The following GRIA3 variants were observed in gnomAD, a reference collection of about 807,000 sequenced individuals.
GRIA3 encodes the protein glutamate receptor 3.
A neutral mutation model predicts 63.0 loss-of-function variants in GRIA3; 3 were observed. The ratio of observed to expected loss-of-function variants is 0.05; its 90% CI spans 0.02 to 0.12. The LOEUF (loss-of-function observed/expected upper bound fraction) is 0.12. Among genes scored for constraint, GRIA3 ranks in the 10% least tolerant of loss-of-function variants. The pLI is 1.00. For missense variants in GRIA3, 347 were observed against 700.9 expected (o/e 0.50, Z 5.70); for synonymous variants, 274 against 257.9 (o/e 1.06, Z -0.60).
At chrX:123,294,380 C>T (rs1314503706) in intron 3 of GRIA3, among the ~76,000 whole-genome samples, 1 of 111,339 alleles carries the variant, frequency 9.0e-6, no homozygotes, top group Non-Finnish European at 1.9e-5. Context: ...ATAATGGAAA[C>T]TGAAGGCCAC....
intron 3 of GRIA3, among the ~76,000 whole-genome samples, chrX:123,254,035 A>G (rs6648498): frequency 0.2 from 22,126 of 111,516 alleles, 1,707 homozygotes; most frequent in Non-Finnish European, 0.25. Context: ...GACTCATTCC[A>G]TCAGATCACA....
intron 3 of GRIA3, among the ~76,000 whole-genome samples, chrX:123,257,366 GAGAA>G (rs1476407174): frequency 1.8e-5 from 2 of 108,123 alleles, no homozygotes; most frequent in East Asian, 2.9e-4. Flanking sequence ...GAAAGAAAGA[GAGAA>G]AGAAAGAAAG....
At chrX:123,266,165 T>C (rs1400581603) in intron 3 of GRIA3, among the ~76,000 whole-genome samples, 1 of 111,985 alleles carries the variant, frequency 8.9e-6, no homozygotes, top group Non-Finnish European at 1.9e-5. Flanking sequence ...CAGTTTTGCT[T>C]CTTGAATATT....
intron 13 of GRIA3, among the ~76,000 whole-genome samples, chrX:123,467,459 T>C (rs966696139): frequency 5.0e-4 from 56 of 112,688 alleles, no homozygotes; most frequent in Non-Finnish European, 1.5e-4. Context: ...CTGATGACAC[T>C]GACAATTTAG....
intron 14 of GRIA3, among the ~76,000 whole-genome samples, chrX:123,482,358 G>A (rs936321787): frequency 5.4e-5 from 6 of 111,928 alleles, no homozygotes; most frequent in South Asian, 3.8e-4. Context: ...GGGGTGTTGC[G>A]GGGCAGAGAG....
At chrX:123,206,604 C>T (rs755073737) in intron 2 of GRIA3, among the ~76,000 whole-genome samples, 2 of 105,934 alleles carry the variant, frequency 1.9e-5, no homozygotes, top group South Asian at 4.1e-4. Context: ...ATACAGGCTA[C>T]CCATATTGTG....
intron 5 of GRIA3, among the ~76,000 whole-genome samples, chrX:123,379,586 T>C (rs1043601740): frequency 9.2e-6 from 1 of 109,130 alleles, no homozygotes; most frequent in African/African-American, 3.3e-5. Context: ...TTTTGCCAAC[T>C]ATGGTTGTAC....
intron 3 of GRIA3, among the ~76,000 whole-genome samples, chrX:123,271,471 C>T (rs1375612072): frequency 1.8e-5 from 2 of 111,632 alleles, no homozygotes; most frequent in East Asian, 2.8e-4. Context: ...GAGCAGTGAA[C>T]GCGGGACTAA....
At chrX:123,354,283 T>C (rs1377379629) in intron 4 of GRIA3, among the ~76,000 whole-genome samples, 2 of 111,426 alleles carry the variant, frequency 1.8e-5, no homozygotes, top group Non-Finnish European at 3.8e-5. Context: ...ATCAAAAATG[T>C]CACCAGGCAT....
At chrX:123,464,423 G>T (rs2045823985) in intron 12 of GRIA3, among the ~76,000 whole-genome samples, 1 of 111,840 alleles carries the variant, frequency 8.9e-6, no homozygotes, top group South Asian at 3.8e-4. Context: ...GCTGGACTGG[G>T]CTGACTAAAA....
At chrX:123,217,538 A>C (rs1483838022) in intron 2 of GRIA3, among the ~76,000 whole-genome samples, 3 of 110,680 alleles carry the variant, frequency 2.7e-5, no homozygotes, top group Non-Finnish European at 3.8e-5. Flanking sequence ...CAACAAACTC[A>C]CCTTTCTCAG....
At chrX:123,363,359 C>T (rs1387523830) in intron 5 of GRIA3, among the ~76,000 whole-genome samples, 1 of 112,594 alleles carries the variant, frequency 8.9e-6, no homozygotes, top group Admixed American at 9.4e-5. Context: ...TGAAGGAAAA[C>T]TCCACATCAT....
At chrX:123,453,841 A>G (rs1456490206) in intron 12 of GRIA3, among the ~76,000 whole-genome samples, 1 of 111,805 alleles carries the variant, frequency 8.9e-6, no homozygotes, top group African/African-American at 3.3e-5. Context: ...GGCAAATGAA[A>G]GAGAGGTGGT....
chrX:123,459,388 C>T (rs966193162), intron 12 of GRIA3, among the ~76,000 whole-genome samples: 1 of 111,976 alleles, frequency 8.9e-6, no homozygotes, highest in Non-Finnish European at 1.9e-5. Context: ...ACCAGACTCA[C>T]AGGGCCCAAG....
chrX:123,302,787 A>T lies in GRIA3; in HGVS notation c.509-23239A>T, dbSNP rs1464234957. Reference sequence around the variant, plus strand: ...AAACCTTTCCCTATAAGCCAGAAAGATCCATTGAGGAGTTTTAATATCTTG... The same window carrying T: ...AAACCTTTCCCTATAAGCCAGAAAGTTCCATTGAGGAGTTTTAATATCTTG... On this transcript the variant is annotated intron_variant, in intron 3 of 15. Coordinates refer to ENST00000620443, the MANE Select transcript of GRIA3 (RefSeq NM_007325.5). Among the ~76,000 whole-genome samples the T allele has an allele frequency of 2.7e-5, 3 of 111,310 alleles. No homozygotes were observed. In the Admixed American group the frequency reaches 2.9e-4, roughly 11 times the overall value.
chrX:123,467,910 T>G lies in GRIA3; in HGVS notation c.2324+2798T>G, dbSNP rs541893318. On this transcript the variant is annotated intron_variant, in intron 13 of 15. Transcript: ENST00000620443. ...TCAGCTAGTACTGCTGCAAAGTTTT[T>G]TATCAAGTAACTTTATTGACAGCTC... is the stretch of plus-strand genomic sequence containing the variant. Among the ~76,000 whole-genome samples, 21 of 112,317 alleles carry G rather than the reference T, an allele frequency of 1.9e-4. No homozygotes were observed. The South Asian group carries it at 7.7e-3, about 41-fold the overall frequency.
chrX:123,258,816 C>T (rs2044433700), intron 3 of GRIA3, among the ~76,000 whole-genome samples: 1 of 112,385 alleles, frequency 8.9e-6, no homozygotes, highest in Non-Finnish European at 1.9e-5. Flanking sequence ...CCAAGTAACT[C>T]TCTGGAAGTC....
chrX:123,308,058 A>G (rs751544482), intron 3 of GRIA3, among the ~76,000 whole-genome samples: 8 of 110,504 alleles, frequency 7.2e-5, no homozygotes, highest in African/African-American at 2.6e-4. Context: ...CAAGTTGGTC[A>G]CTCTCTAAAC....
At chrX:123,283,112 G>T (rs771519829) in intron 3 of GRIA3, among the ~76,000 whole-genome samples, 1 of 111,490 alleles carries the variant, frequency 9.0e-6, no homozygotes, top group East Asian at 2.9e-4. Context: ...AAGCAGGGTG[G>T]GGCATTGCCT....
Sources: gnomAD v4.1 joint callset for allele counts (sites outside exome capture counted in the v4.1 genomes callset) on GRCh38, gnomAD v4.1.1 for gene constraint, MANE v1.5 for transcripts, NCBI Gene and HGNC (gene_info 2026-07-23, HGNC 2026-07-21) for gene names.